KIRREL1: variants seen among roughly 807,000 people sequenced by gnomAD.
KIRREL1 encodes the protein kirre like nephrin family adhesion molecule 1.
Under a neutral mutation model 83.3 loss-of-function variants are expected in KIRREL1, and 25 were observed. The ratio of observed to expected loss-of-function variants is 0.30; its 90% CI spans 0.22 to 0.42. KIRREL1 has a LOEUF of 0.42. Ranked by LOEUF, KIRREL1 falls within the 10% of genes least tolerant of loss-of-function variation. KIRREL1 has a pLI of 1.00. For synonymous variants in KIRREL1, 388 were observed against 410.4 expected (o/e 0.95, Z 0.66); for missense variants, 812 against 1,032.3 (o/e 0.79, Z 2.92).
chr1:158,095,378 C>A lies in KIRREL1; in HGVS notation c.*258C>A. 2.4e-6 allele frequency: 1 copy of A among 414,268 alleles called. No individual in the cohort carries two copies. The highest frequency in any genetic ancestry group is 4.3e-6 in the Non-Finnish European group (1 of 233,462). The allele number at this position is 414,268 out of a possible 1,614,324, so 25.7% of individuals were successfully genotyped here. A position where few individuals can be genotyped will look rare whatever the true frequency, so the allele number is the denominator to read the frequency against. ...TTCTGACCTGCACTCTTGCCTGACC[C>A]TAGAATGGGGACAGGGAAAGTGAAG... is the stretch of plus-strand genomic sequence containing the variant. On this transcript the variant is annotated 3_prime_UTR_variant, in exon 15 of 15. Transcript: ENST00000359209.
chr1:158,043,826 T>C (rs1570944901), intron 1 of KIRREL1, among the ~76,000 whole-genome samples: 1 of 152,162 alleles, frequency 6.6e-6, no homozygotes, highest in Non-Finnish European at 1.5e-5. Flanking sequence ...AGCATCTCTG[T>C]GAGAGATGCT....
At chr1:158,027,011 C>G (rs1660191845) in intron 1 of KIRREL1, among the ~76,000 whole-genome samples, 1 of 152,152 alleles carries the variant, frequency 6.6e-6, no homozygotes, top group Admixed American at 6.5e-5. Context: ...CAATTCAACT[C>G]TGACACTATC....
Position 158,045,632 on chromosome 1 carries a change from G to A in KIRREL1, c.53-30481G>A, listed in dbSNP as rs375946647. On this transcript the variant is annotated intron_variant, in intron 1 of 14. Transcript: ENST00000359209. Reference sequence around the variant, plus strand: ...TCACCCACCCTGCACATCAATGTGTGTACCAACCAGGAGGTTCCATGACTC... The same window carrying A: ...TCACCCACCCTGCACATCAATGTGTATACCAACCAGGAGGTTCCATGACTC... Among the ~76,000 whole-genome samples the A allele has an allele frequency of 5.9e-5, 9 of 152,310 alleles. No individual in the cohort carries two copies. In the East Asian group the frequency reaches 1.2e-3, roughly 20 times the overall value.
chr1:158,094,975 A>T lies in KIRREL1; in HGVS notation c.2129A>T (p.Gln710Leu), dbSNP rs745586352. Residue 710 changes from glutamine (Q) to leucine (L), a missense_variant, in exon 15 of 15, where the codon CAG becomes CTG. Physicochemically the swap from Gln to Leu is moderately radical, Grantham distance 113 (BLOSUM62 -2). Around this residue, in one of 3 missense-constraint regions of KIRREL1, gnomAD observed 334 missense variants for 383.7 expected, o/e 0.87. Transcript: ENST00000359209. This position sits in a 1 kb window ranked among gnomAD's most constrained non-coding sequence, Gnocchi z 4.6. ...CCCACCTACCGACTGGGCTACCCCC[A>T]GGCCCCACCCTCTGGCCTGGAGCGG... ...GYPTYRLGYPQAPPSGLERTP... is the reference protein window; with the variant it reads ...GYPTYRLGYPLAPPSGLERTP... The T allele has an allele frequency of 6.2e-7, 1 of 1,614,012 alleles. No homozygotes were observed. The highest frequency in any genetic ancestry group is 1.1e-5 in the South Asian group (1 of 91,076).
At chr1:157,995,284 C>A (rs1659163744) in intron 1 of KIRREL1, among the ~76,000 whole-genome samples, 1 of 152,230 alleles carries the variant, frequency 6.6e-6, no homozygotes, top group African/African-American at 2.4e-5. Flanking sequence ...GCCAGCCCCC[C>A]AGCACACACT....
chr1:158,019,457 G>T (rs1011846324), intron 1 of KIRREL1, among the ~76,000 whole-genome samples: 1 of 152,188 alleles, frequency 6.6e-6, no homozygotes. Context: ...CTCTTTGGGT[G>T]ATTGAGAGGG....
At chr1:158,092,935 G>A (rs1041714899) in intron 11 of KIRREL1, among the ~76,000 whole-genome samples, 6 of 152,012 alleles carry the variant, frequency 3.9e-5, no homozygotes, top group Admixed American at 6.5e-5. Flanking sequence ...GCACAGTGGT[G>A]AAAGATGTCG....
At chr1:158,046,741 A>G (rs180839495) in intron 1 of KIRREL1, among the ~76,000 whole-genome samples, 70 of 152,250 alleles carry the variant, frequency 4.6e-4, no homozygotes, top group Admixed American at 2.9e-3. Flanking sequence ...ATTAAGCAAG[A>G]TGAGGACGAA....
intron 1 of KIRREL1, among the ~76,000 whole-genome samples, chr1:158,064,239 C>T (rs1661302719): frequency 6.6e-6 from 1 of 152,150 alleles, no homozygotes; most frequent in Non-Finnish European, 1.5e-5. Flanking sequence ...AGGTCTGAAT[C>T]CATATGATTA....
At chr1:158,056,861 T>G (rs1233222550) in intron 1 of KIRREL1, among the ~76,000 whole-genome samples, 1 of 152,156 alleles carries the variant, frequency 6.6e-6, no homozygotes, top group African/African-American at 2.4e-5. Flanking sequence ...ATGTGGAACA[T>G]GTGCCTACTC....
At chr1:158,026,032 C>G (rs187286289) in intron 1 of KIRREL1, among the ~76,000 whole-genome samples, 34 of 152,154 alleles carry the variant, frequency 2.2e-4, no homozygotes, top group Admixed American at 1.8e-3. Context: ...CCTGCCAGTC[C>G]TGGTGGGGTG....
intron 1 of KIRREL1, among the ~76,000 whole-genome samples, chr1:158,008,368 G>T (rs761671980): frequency 1.2e-4 from 19 of 152,152 alleles, no homozygotes; most frequent in Non-Finnish European, 2.4e-4. Flanking sequence ...CCACAGTGCT[G>T]GCTGCTGGCA....
rs11577787 is a variant in KIRREL1, at chr1:157,994,145, G to C, written c.52+417G>C. On this transcript the variant is annotated intron_variant, in intron 1 of 14. Coordinates refer to ENST00000359209, the MANE Select transcript of KIRREL1 (RefSeq NM_018240.7). ...GAGGGTGGGATTTCGGATTTCGGGC[G>C]AGGGGGTGAGCGAAAAGCTGGGTCC... Among the ~76,000 whole-genome samples, 789 of 152,324 alleles carry C rather than the reference G, an allele frequency of 5.2e-3. 2 individuals carry two copies. Among genetic ancestry groups the C allele is most frequent in the Non-Finnish European group, 8.9e-3 (602 of 68,012 alleles).
At chr1:158,037,223 C>T (rs963250495) in intron 1 of KIRREL1, among the ~76,000 whole-genome samples, 2 of 152,132 alleles carry the variant, frequency 1.3e-5, no homozygotes, top group Non-Finnish European at 2.9e-5. Flanking sequence ...GGCCGGGCGC[C>T]GTGGCTCACG....
rs1553238087 is a variant in KIRREL1, at chr1:158,029,366, T to TGTGTGTGTGTGTGTGC, written c.52+35639_52+35640insTGTGTGTGTGTGTGCG. Among the ~76,000 whole-genome samples, 592 of 149,010 alleles carry TGTGTGTGTGTGTGTGC rather than the reference T, an allele frequency of 4.0e-3. 5 individuals are homozygous for TGTGTGTGTGTGTGTGC. The highest frequency in any genetic ancestry group is 0.014 in the Admixed American group (207 of 15,048). ...GTGTGTGTGTGTGTGTGTGTGTGTG[T>TGTGTGTGTGTGTGTGC]GCACGTGCGCGCGCATGCACACATG... On this transcript the variant is annotated intron_variant, in intron 1 of 14. Transcript: ENST00000359209.
In KIRREL1 at chr1:158,095,289, G is replaced by T; in HGVS notation, c.*169G>T. ...CCAGAAACACCCCGTCCCGAGGATG[G>T]TGCTCTGTGCATGCCCCAGCCTCCT... is the stretch of plus-strand genomic sequence containing the variant. On this transcript the variant is annotated 3_prime_UTR_variant, in exon 15 of 15. Transcript: ENST00000359209. 1 of 603,530 alleles carries T rather than the reference G, an allele frequency of 1.7e-6. No individual in the cohort carries two copies. 37.4% of individuals were successfully genotyped at this position (603,530 alleles called of 1,614,324 possible).
At chr1:158,036,871 C>T (rs1373610825) in intron 1 of KIRREL1, among the ~76,000 whole-genome samples, 3 of 152,246 alleles carry the variant, frequency 2.0e-5, no homozygotes, top group East Asian at 3.9e-4. Context: ...GAATGAGGGC[C>T]GTTAGACAGG....
intron 1 of KIRREL1, among the ~76,000 whole-genome samples, chr1:158,026,039 G>T (rs1406979612): frequency 6.6e-6 from 1 of 152,080 alleles, no homozygotes; most frequent in African/African-American, 2.4e-5. Flanking sequence ...GTCCTGGTGG[G>T]GTGGTGGGAG....
rs991197744 is a variant in KIRREL1, at chr1:158,097,911, C to G, written c.*2791C>G. ...TTTCTGTTCATTGCCCCCAATTTGT[C>G]TGGCCTGTAAAATGAAGGGGGAGGG... is the stretch of plus-strand genomic sequence containing the variant. On this transcript the variant is annotated 3_prime_UTR_variant, in exon 15 of 15. Transcript: ENST00000359209. 1 of 152,200 alleles carries G rather than the reference C, an allele frequency of 6.6e-6. No homozygotes were observed. The highest frequency in any genetic ancestry group is 1.5e-5 in the Non-Finnish European group (1 of 68,068). The allele number at this position is 152,200 out of a possible 1,614,324, so 9.4% of individuals were successfully genotyped here.
Sources: allele counts gnomAD v4.1 joint callset (sites outside exome capture counted in the v4.1 genomes callset), GRCh38; gene constraint gnomAD v4.1.1; regional missense constraint gnomAD v4.1.1; non-coding constraint Gnocchi (gnomAD v3.1); transcripts MANE v1.5; gene names NCBI Gene and HGNC (gene_info 2026-07-23, HGNC 2026-07-21).